Variants in SGCZ observed in about 807,000 individuals in gnomAD.
The protein encoded by SGCZ is sarcoglycan zeta, also known as zeta-sarcoglycan.
A neutral mutation model predicts 41.3 loss-of-function variants in SGCZ; 40 were observed. The observed-to-expected ratio is 0.97, with a 90% CI of 0.75 to 1.26. The LOEUF (loss-of-function observed/expected upper bound fraction) is 1.26. Ranked by LOEUF, SGCZ falls within the 50% of genes most tolerant of loss-of-function variation. The pLI, the probability that SGCZ is intolerant of heterozygous loss-of-function variation, is 0.00. For missense variants in SGCZ, 552 were observed against 369.8 expected (o/e 1.49, Z -4.04); for synonymous variants, 206 against 137.5 (o/e 1.50, Z -3.49).
At chr8:15,057,485 C>T (rs1372644025) in intron 1 of SGCZ, among the ~76,000 whole-genome samples, 1 of 152,172 alleles carries the variant, frequency 6.6e-6, no homozygotes, top group Non-Finnish European at 1.5e-5. Flanking sequence ...AAGCAATCCA[C>T]ATGTTACCAG....
chr8:14,485,318 C>A (rs932420285), intron 2 of SGCZ, among the ~76,000 whole-genome samples: 1 of 152,182 alleles, frequency 6.6e-6, no homozygotes, highest in Non-Finnish European at 1.5e-5. Flanking sequence ...CTCACTGCAA[C>A]CTTGGCCTCC....
At chr8:14,278,305 T>G (rs1002061527) in intron 3 of SGCZ, among the ~76,000 whole-genome samples, 1 of 152,176 alleles carries the variant, frequency 6.6e-6, no homozygotes, top group South Asian at 2.1e-4. Context: ...AATAAATTTG[T>G]GTACCTTTTT....
intron 1 of SGCZ, among the ~76,000 whole-genome samples, chr8:15,150,849 C>T (rs1337271855): frequency 6.6e-6 from 1 of 152,190 alleles, no homozygotes; most frequent in Non-Finnish European, 1.5e-5. Flanking sequence ...CTATTTGCAG[C>T]TGACTAAAGT....
intron 1 of SGCZ, among the ~76,000 whole-genome samples, chr8:14,572,505 A>AAGTG (rs1804585116): frequency 1.1e-5 from 1 of 92,076 alleles, no homozygotes; most frequent in Non-Finnish European, 3.1e-5. Context: ...CCAGAGAGGG[A>AAGTG]AGTTTATTAT....
At chr8:14,405,579 G>A (rs1164586789) in intron 2 of SGCZ, among the ~76,000 whole-genome samples, 1 of 149,868 alleles carries the variant, frequency 6.7e-6, no homozygotes, top group Non-Finnish European at 1.5e-5. Flanking sequence ...TGCCTATGTT[G>A]TGGCTGATTT....
chr8:14,399,682 T>C (rs540327302), intron 2 of SGCZ, among the ~76,000 whole-genome samples: 1 of 152,154 alleles, frequency 6.6e-6, no homozygotes. Context: ...ATTTTATTCA[T>C]TGCTTTAAAC....
intron 1 of SGCZ, among the ~76,000 whole-genome samples, chr8:14,679,601 A>G (rs1406885920): frequency 6.6e-6 from 1 of 151,888 alleles, no homozygotes; most frequent in Non-Finnish European, 1.5e-5. Flanking sequence ...GTTATTACAG[A>G]AAAAGTAAAA....
intron 3 of SGCZ, among the ~76,000 whole-genome samples, chr8:14,318,498 A>C (rs181981612): frequency 6.6e-6 from 1 of 152,068 alleles, no homozygotes; most frequent in Non-Finnish European, 1.5e-5. Context: ...CCAGAAACAT[A>C]TTAATGAAAG....
intron 1 of SGCZ, among the ~76,000 whole-genome samples, chr8:14,574,548 G>A (rs75965441): frequency 0.023 from 3,566 of 152,206 alleles, 73 homozygotes; most frequent in East Asian, 0.059. Context: ...GACTTGCTAG[G>A]TTTCCCCACT....
intron 4 of SGCZ, among the ~76,000 whole-genome samples, chr8:14,232,009 T>A (rs141605216): frequency 1.3e-5 from 2 of 151,946 alleles, no homozygotes; most frequent in Non-Finnish European, 2.9e-5. Context: ...AAAAGGAAGT[T>A]ATTTCACAAC....
chr8:15,174,992 A>G (rs574696932), intron 1 of SGCZ, among the ~76,000 whole-genome samples: 4 of 152,242 alleles, frequency 2.6e-5, no homozygotes, highest in African/African-American at 9.6e-5. Flanking sequence ...CAAACACCTA[A>G]TGCACGTGGG....
Position 14,309,288 on chromosome 8 carries a change from A to C in SGCZ, c.336+14815T>G, listed in dbSNP as rs999530174. 6 of 1,572,082 alleles carry C rather than the reference A, an allele frequency of 3.8e-6. No individual in the cohort carries two copies. In the African/African-American group the frequency reaches 8.1e-5, roughly 21 times the overall value. ...TCTAGTAATTTAATGCCTGGCTGTG[A>C]CTACTCACTTTTTAAGGATGGTATT... is the stretch of plus-strand genomic sequence containing the variant. On this transcript the variant is annotated intron_variant, in intron 3 of 7. Transcript: ENST00000382080.
intron 1 of SGCZ, among the ~76,000 whole-genome samples, chr8:15,146,828 C>A (rs780459564): frequency 2.6e-5 from 4 of 151,992 alleles, no homozygotes; most frequent in African/African-American, 4.8e-5. Context: ...TTTTTATTAG[C>A]ATCCTAATAA....
intron 2 of SGCZ, among the ~76,000 whole-genome samples, chr8:14,508,753 T>G (rs1353203232): frequency 6.6e-6 from 1 of 152,186 alleles, no homozygotes; most frequent in Non-Finnish European, 1.5e-5. Context: ...TAAATTAGTT[T>G]TAATAGGCTT....
intron 2 of SGCZ, among the ~76,000 whole-genome samples, chr8:14,348,385 C>T (rs1323518842): frequency 2.0e-5 from 3 of 152,024 alleles, no homozygotes; most frequent in African/African-American, 4.8e-5. Flanking sequence ...CCTGGCTTTT[C>T]GAGCAGTGAG....
chr8:15,007,119 G>T (rs984292735), intron 1 of SGCZ, among the ~76,000 whole-genome samples: 1 of 152,152 alleles, frequency 6.6e-6, no homozygotes, highest in South Asian at 2.1e-4. Context: ...TGACAGACAA[G>T]TAATTAGCTG....
chr8:14,829,120 G>T (rs1339332308), intron 1 of SGCZ, among the ~76,000 whole-genome samples: 2 of 152,032 alleles, frequency 1.3e-5, no homozygotes, highest in Non-Finnish European at 1.5e-5. Context: ...GGAGTTTGTT[G>T]TACAGATTAT....
chr8:15,019,467 C>T (rs956363282), intron 1 of SGCZ, among the ~76,000 whole-genome samples: 1 of 152,134 alleles, frequency 6.6e-6, no homozygotes, highest in Non-Finnish European at 1.5e-5. Context: ...TCTCTTTCCT[C>T]TTTCAGCCCC....
At chr8:14,462,888 C>A (rs1389179221) in intron 2 of SGCZ, among the ~76,000 whole-genome samples, 1 of 150,320 alleles carries the variant, frequency 6.7e-6, no homozygotes, top group Non-Finnish European at 1.5e-5. Flanking sequence ...TTTGAGTTTT[C>A]TTTCATTGTA....
Sources: gnomAD v4.1 joint callset for allele counts (sites outside exome capture counted in the v4.1 genomes callset) on GRCh38, gnomAD v4.1.1 for gene constraint, MANE v1.5 for transcripts, NCBI Gene and HGNC (gene_info 2026-07-23, HGNC 2026-07-21) for gene names.